The following FARS2 variants were observed in gnomAD, a reference collection of about 807,000 sequenced individuals.
FARS2 encodes phenylalanine--tRNA ligase, mitochondrial.
In FARS2, 40 loss-of-function variants were observed where a neutral mutation model predicts 46.4. The observed-to-expected ratio is 0.86, with a 90% CI of 0.67 to 1.12. The LOEUF (loss-of-function observed/expected upper bound fraction) is 1.12. Among genes scored for constraint, FARS2 ranks in the 50% most tolerant of loss-of-function variants. FARS2 has a pLI of 0.00. For missense variants in FARS2, 513 were observed against 567.9 expected, an observed-to-expected ratio of 0.90 and a Z score of 0.98; for synonymous variants, 234 against 214.9, an observed-to-expected ratio of 1.09 and a Z score of -0.78.
intron 5 of FARS2, among the ~76,000 whole-genome samples, chr6:5,552,152 T>G (rs551977635): frequency 6.6e-6 from 1 of 152,320 alleles, no homozygotes; most frequent in African/African-American, 2.4e-5. Flanking sequence ...AGGATAGTAT[T>G]AAAGTGTTAG....
intron 6 of FARS2, among the ~76,000 whole-genome samples, 154 bp downstream of exon 6, chr6:5,613,474 G>T (rs769415158): frequency 3.9e-5 from 6 of 152,146 alleles, no homozygotes; most frequent in Non-Finnish European, 7.3e-5. Flanking sequence ...AAAACTCTTT[G>T]ATATCAGTCG....
intron 4 of FARS2, among the ~76,000 whole-genome samples, chr6:5,433,315 A>C (rs1157576360): frequency 6.6e-6 from 1 of 152,226 alleles, no homozygotes; most frequent in African/African-American, 2.4e-5. Context: ...AGGGTCTGGC[A>C]CACAGCAAGC....
At chr6:5,290,540 A>G (rs1285041521) in intron 1 of FARS2, among the ~76,000 whole-genome samples, 1 of 152,250 alleles carries the variant, frequency 6.6e-6, no homozygotes, top group East Asian at 1.9e-4. Context: ...TTAAAGCAGA[A>G]TGTGCTAAAT....
chr6:5,348,464 G>C (rs981094101), intron 1 of FARS2, among the ~76,000 whole-genome samples: 4 of 56,860 alleles, frequency 7.0e-5, no homozygotes, highest in Non-Finnish European at 1.0e-4. Context: ...CTGTGTACTT[G>C]TATGTTGTGT....
chr6:5,473,512 G>A (rs146780115), intron 4 of FARS2, among the ~76,000 whole-genome samples: 2,099 of 134,476 alleles, frequency 0.016, 51 homozygotes, highest in African/African-American at 0.056. Flanking sequence ...GGGCGACAGA[G>A]CGAGACTCTG....
At chr6:5,595,093 C>T (rs897300295) in intron 5 of FARS2, among the ~76,000 whole-genome samples, 2 of 152,184 alleles carry the variant, frequency 1.3e-5, no homozygotes, top group African/African-American at 4.8e-5. Flanking sequence ...TGAGAGGGCA[C>T]AGCTTAATTA....
At chr6:5,331,582 T>C (rs1770802491) in intron 1 of FARS2, among the ~76,000 whole-genome samples, 1 of 152,232 alleles carries the variant, frequency 6.6e-6, no homozygotes, top group Admixed American at 6.5e-5. Context: ...AGGTTTGATA[T>C]GAAGATGGAC....
At chr6:5,353,048 A>C (rs1757673176) in intron 1 of FARS2, among the ~76,000 whole-genome samples, 2 of 152,160 alleles carry the variant, frequency 1.3e-5, no homozygotes, top group Admixed American at 1.3e-4. Flanking sequence ...CATGTTAACC[A>C]GTCTCTCCCA....
At chr6:5,296,068 T>C (rs1767837555) in intron 1 of FARS2, among the ~76,000 whole-genome samples, 1 of 151,922 alleles carries the variant, frequency 6.6e-6, no homozygotes, top group Non-Finnish European at 1.5e-5. Context: ...TTCTTTCTCA[T>C]TTTTTAATTT....
intron 4 of FARS2, among the ~76,000 whole-genome samples, chr6:5,484,407 T>A (rs989217153): frequency 2.0e-5 from 3 of 152,222 alleles, no homozygotes. Flanking sequence ...GAGCTTGCAG[T>A]GATGATGGGA....
intron 3 of FARS2, among the ~76,000 whole-genome samples, chr6:5,424,043 C>T (rs1762710889): frequency 6.6e-6 from 1 of 152,130 alleles, no homozygotes; most frequent in South Asian, 2.1e-4. Flanking sequence ...GAGATGTAAA[C>T]AGCAAGGGCA....
intron 5 of FARS2, among the ~76,000 whole-genome samples, chr6:5,604,592 A>C (rs887875098): frequency 6.6e-6 from 1 of 152,188 alleles, no homozygotes; most frequent in Admixed American, 6.5e-5. Flanking sequence ...TTTCTCTTCT[A>C]GCCCATAAAA....
intron 6 of FARS2, among the ~76,000 whole-genome samples, chr6:5,634,728 C>A (rs1244780418): frequency 6.6e-6 from 1 of 152,230 alleles, no homozygotes; most frequent in Non-Finnish European, 1.5e-5. Context: ...CATTTCAGAG[C>A]AGAGTAGCCC....
chr6:5,588,434 C>G (rs1773738805), intron 5 of FARS2, among the ~76,000 whole-genome samples: 1 of 152,172 alleles, frequency 6.6e-6, no homozygotes, highest in African/African-American at 2.4e-5. Flanking sequence ...GATTAAAACA[C>G]AAAGCAGCAC....
chr6:5,674,207 A>AAG (rs1668343867), intron 6 of FARS2, among the ~76,000 whole-genome samples: 2 of 150,100 alleles, frequency 1.3e-5, no homozygotes. Context: ...AAAAAAAAAA[A>AAG]AAAAAAAGGA....
chr6:5,733,959 T>G (rs1273417515), intron 6 of FARS2, among the ~76,000 whole-genome samples: 1 of 152,232 alleles, frequency 6.6e-6, no homozygotes, highest in Non-Finnish European at 1.5e-5. Context: ...GATATATGAA[T>G]GTCTAGTGCA....
chr6:5,432,741 T>C (rs1326738075), intron 4 of FARS2, among the ~76,000 whole-genome samples: 1 of 151,706 alleles, frequency 6.6e-6, no homozygotes, highest in Non-Finnish European at 1.5e-5. Context: ...CCCAGCCTCC[T>C]GTAGCAGAAT....
Position 5,649,976 on chromosome 6 carries a change from T to A in FARS2, c.1217+36656T>A, listed in dbSNP as rs558102896. On this transcript the variant is annotated intron_variant, in intron 6 of 6. Transcript: ENST00000274680. ...GCTTCTTAGATTTCCTACAGGTACT[T>A]TGATCATTGGGAAAGGTTCAGGTGA... 5.3e-5 allele frequency among the ~76,000 whole-genome samples: 8 copies of A among 152,282 alleles called. No homozygotes were observed. The East Asian group carries it at 1.5e-3, about 29-fold the overall frequency.
At chr6:5,462,824 A>G (rs933028075) in intron 4 of FARS2, among the ~76,000 whole-genome samples, 1 of 152,340 alleles carries the variant, frequency 6.6e-6, no homozygotes, top group Non-Finnish European at 1.5e-5. Context: ...AATTTTGTCA[A>G]TCTCACAAAA....
Sources: gnomAD v4.1 joint callset for allele counts (sites outside exome capture counted in the v4.1 genomes callset) on GRCh38, gnomAD v4.1.1 for gene constraint, MANE v1.5 for transcripts, NCBI Gene and HGNC (gene_info 2026-07-23, HGNC 2026-07-21) for gene names.